The following CDH8 variants were observed in gnomAD, a reference collection of about 807,000 sequenced individuals.
CDH8 encodes the protein cadherin-8.
A neutral mutation model predicts 68.1 loss-of-function variants in CDH8; 17 were observed. The observed-to-expected ratio is 0.25, with a 90% CI of 0.17 to 0.37. The LOEUF is 0.37. Ranked by LOEUF, CDH8 falls within the 10% of genes least tolerant of loss-of-function variation. The pLI is 1.00. For synonymous variants in CDH8, 372 were observed against 365.1 expected, an observed-to-expected ratio of 1.02 and a Z score of -0.21; for missense variants, 763 against 999.3, an observed-to-expected ratio of 0.76 and a Z score of 3.19.
chr16:61,748,219 G>GTCATCA (rs60615047), intron 8 of CDH8, among the ~76,000 whole-genome samples: 69 of 150,942 alleles, frequency 4.6e-4, no homozygotes, highest in African/African-American at 1.3e-3. Context: ...ATTTGAGAAT[G>GTCATCA]TCATCATCAT....
intron 2 of CDH8, among the ~76,000 whole-genome samples, chr16:61,905,716 T>C (rs1334607034): frequency 6.6e-6 from 1 of 151,952 alleles, no homozygotes; most frequent in African/African-American, 2.4e-5. Context: ...TGTGAGAGCA[T>C]ACAGAAATTT....
chr16:61,986,078 CA>C (rs1965622090), intron 2 of CDH8, among the ~76,000 whole-genome samples: 2 of 151,844 alleles, frequency 1.3e-5, no homozygotes, highest in South Asian at 4.2e-4. Flanking sequence ...TGCCTGCCCC[CA>C]CACCTGGCTA....
chr16:61,949,627 A>G (rs1380409296), intron 2 of CDH8, among the ~76,000 whole-genome samples: 2 of 151,888 alleles, frequency 1.3e-5, no homozygotes, highest in African/African-American at 2.4e-5. Context: ...GAAGGAACCA[A>G]CTCTGGACAC....
At chr16:61,746,838 T>C (rs929437857) in intron 8 of CDH8, among the ~76,000 whole-genome samples, 2 of 152,072 alleles carry the variant, frequency 1.3e-5, no homozygotes, top group African/African-American at 2.4e-5. Context: ...GTCTATGCTT[T>C]TGCCACAGTA....
At chr16:61,863,149 T>C (rs945630704) in intron 3 of CDH8, among the ~76,000 whole-genome samples, 2 of 152,210 alleles carry the variant, frequency 1.3e-5, no homozygotes, top group African/African-American at 2.4e-5. Context: ...CCAAGGTGAA[T>C]TCTGCATTAA....
At chr16:61,776,531 C>G (rs1195054978) in intron 8 of CDH8, among the ~76,000 whole-genome samples, 1 of 152,022 alleles carries the variant, frequency 6.6e-6, no homozygotes, top group Non-Finnish European at 1.5e-5. Flanking sequence ...GAAGATGCTC[C>G]TATTAATATA....
intron 6 of CDH8, among the ~76,000 whole-genome samples, chr16:61,819,763 G>A (rs1028958501): frequency 6.6e-6 from 1 of 152,022 alleles, no homozygotes; most frequent in African/African-American, 2.4e-5. Flanking sequence ...TGACCTTACA[G>A]TCATATCTAC....
chr16:61,804,435 A>G (rs1961747991), intron 7 of CDH8, among the ~76,000 whole-genome samples: 1 of 151,912 alleles, frequency 6.6e-6, no homozygotes, highest in South Asian at 2.1e-4. Flanking sequence ...AAACACATTC[A>G]AAAGCTAGCA....
At chr16:61,689,685 T>G (rs1964180117) in intron 10 of CDH8, among the ~76,000 whole-genome samples, 1 of 152,084 alleles carries the variant, frequency 6.6e-6, no homozygotes, top group African/African-American at 2.4e-5. Context: ...ATACTTACTA[T>G]GTGTTCATTA....
At chr16:61,706,400 G>A (rs974817786) in intron 10 of CDH8, among the ~76,000 whole-genome samples, 16 of 152,024 alleles carry the variant, frequency 1.1e-4, no homozygotes, top group African/African-American at 3.9e-4. Context: ...GGCGGATCAC[G>A]AGGTCAGGAG....
chr16:61,715,343 T>C (rs897205183), intron 9 of CDH8, among the ~76,000 whole-genome samples: 3 of 151,634 alleles, frequency 2.0e-5, no homozygotes, highest in Non-Finnish European at 4.4e-5. Flanking sequence ...CCAGATAAGA[T>C]AAAAGTCACA....
chr16:61,779,423 T>TTG (rs1377776424), intron 8 of CDH8, among the ~76,000 whole-genome samples: 2 of 64,032 alleles, frequency 3.1e-5, no homozygotes, highest in Non-Finnish European at 6.8e-5. Flanking sequence ...TAATGTTCGT[T>TTG]TATGTGTGTG....
chr16:61,747,528 C>T (rs1026372299), intron 8 of CDH8, among the ~76,000 whole-genome samples: 1 of 151,946 alleles, frequency 6.6e-6, no homozygotes, highest in African/African-American at 2.4e-5. Context: ...AACAGAGATG[C>T]TGACAGGGAC....
chr16:61,911,860 C>T (rs1964168421), intron 2 of CDH8, among the ~76,000 whole-genome samples: 1 of 151,954 alleles, frequency 6.6e-6, no homozygotes, highest in South Asian at 2.1e-4. Flanking sequence ...GGATATTTAA[C>T]ACAGATAAAA....
intron 1 of CDH8, among the ~76,000 whole-genome samples, chr16:62,031,659 TAAACACACACACCCAC>T (rs1902328484): frequency 1.6e-5 from 2 of 128,802 alleles, no homozygotes; most frequent in South Asian, 2.3e-4. Context: ...TAAGAGAACT[TAAACACACACACCCAC>T]AAACACACAC....
chr16:62,005,525 CAGG>C (rs1965960105), intron 2 of CDH8, among the ~76,000 whole-genome samples: 1 of 151,580 alleles, frequency 6.6e-6, no homozygotes, highest in Admixed American at 6.6e-5. Context: ...ATCACGAGGA[CAGG>C]AGATCGAGAC....
At chr16:62,029,582 A>G (rs994620803) in intron 1 of CDH8, among the ~76,000 whole-genome samples, 2 of 152,180 alleles carry the variant, frequency 1.3e-5, no homozygotes, top group Non-Finnish European at 2.9e-5. Flanking sequence ...GTCCATGACT[A>G]TTTTCTGCCG....
intron 2 of CDH8, among the ~76,000 whole-genome samples, chr16:61,971,664 A>G (rs1965342521): frequency 6.6e-6 from 1 of 152,146 alleles, no homozygotes; most frequent in African/African-American, 2.4e-5. Context: ...TTGGTGATCA[A>G]CTTAGCCTTC....
At chr16:62,002,377 T>C (rs982501701) in intron 2 of CDH8, among the ~76,000 whole-genome samples, 4 of 152,214 alleles carry the variant, frequency 2.6e-5, no homozygotes, top group African/African-American at 7.2e-5. Context: ...CTTCGGGGTT[T>C]GACTCAGCAA....
Sources: gnomAD v4.1 joint callset for allele counts (sites outside exome capture counted in the v4.1 genomes callset) on GRCh38, gnomAD v4.1.1 for gene constraint, MANE v1.5 for transcripts, NCBI Gene and HGNC (gene_info 2026-07-23, HGNC 2026-07-21) for gene names.